The following ALK variants were observed in gnomAD, a reference collection of about 807,000 sequenced individuals.
The protein encoded by ALK is ALK receptor tyrosine kinase.
In ALK, 74 loss-of-function variants were observed where a neutral mutation model predicts 163.1. The ratio of observed to expected loss-of-function variants is 0.45; its 90% CI spans 0.38 to 0.55. The LOEUF (loss-of-function observed/expected upper bound fraction) is 0.55, where lower values mean the gene tolerates loss of function less well. Ranked by LOEUF, ALK falls within the 20% of genes least tolerant of loss-of-function variation. The probability of loss-of-function intolerance (pLI) is 0.00; values close to 1 mark genes in which losing one functional copy is unlikely to be tolerated. For missense variants in ALK, 2,063 were observed against 2,105.3 expected (o/e 0.98, Z 0.39); for synonymous variants, 960 against 843.2 (o/e 1.14, Z -2.40).
At chr2:29,851,179 T>C (rs1035375509) in intron 1 of ALK, among the ~76,000 whole-genome samples, 5 of 152,210 alleles carry the variant, frequency 3.3e-5, no homozygotes, top group Non-Finnish European at 4.4e-5. Context: ...TGTAAGGAAA[T>C]GTTTTAAAAT....
chr2:29,895,676 G>A (rs759952549), intron 1 of ALK, among the ~76,000 whole-genome samples: 1 of 152,200 alleles, frequency 6.6e-6, no homozygotes, highest in African/African-American at 2.4e-5. Context: ...GTGCCTTTTA[G>A]TAGTCCTTCC....
At chr2:29,647,775 CTTTT>C (rs34620705) in intron 3 of ALK, among the ~76,000 whole-genome samples, 6 of 117,206 alleles carry the variant, frequency 5.1e-5, no homozygotes, top group Non-Finnish European at 8.3e-5. Context: ...ATGATTTTTT[CTTTT>C]TTTTTTTTTT....
chr2:29,551,956 A>G (rs954419348), intron 3 of ALK, among the ~76,000 whole-genome samples: 1 of 152,150 alleles, frequency 6.6e-6, no homozygotes, highest in Non-Finnish European at 1.5e-5. Context: ...TCACAACCCA[A>G]TTTTAGATAT....
chr2:29,758,552 C>A (rs1197500294), intron 1 of ALK, among the ~76,000 whole-genome samples: 1 of 152,112 alleles, frequency 6.6e-6, no homozygotes, highest in African/African-American at 2.4e-5. Context: ...GACCAAGTTC[C>A]CTTGGCCTAC....
intron 4 of ALK, among the ~76,000 whole-genome samples, chr2:29,466,260 G>A (rs1671210244): frequency 1.3e-5 from 2 of 151,968 alleles, no homozygotes; most frequent in African/African-American, 4.8e-5. Flanking sequence ...AATCTCCCAA[G>A]CCTCTGTGTT....
intron 11 of ALK, among the ~76,000 whole-genome samples, chr2:29,253,813 C>T (rs1432710907): frequency 1.3e-5 from 2 of 151,334 alleles, no homozygotes; most frequent in Non-Finnish European, 2.9e-5. Context: ...GTTAATTCAA[C>T]CCTGAAAATG....
intron 3 of ALK, among the ~76,000 whole-genome samples, chr2:29,633,005 G>A (rs192788566): frequency 6.6e-6 from 1 of 152,240 alleles, no homozygotes; most frequent in East Asian, 1.9e-4. Context: ...GATTTGGGTG[G>A]GGACACAGGA....
chr2:29,831,029 AG>A, intron 1 of ALK, among the ~76,000 whole-genome samples: 6 of 21,128 alleles, frequency 2.8e-4, no homozygotes, highest in African/African-American at 5.4e-4. Flanking sequence ...AGGAAGGGGA[AG>A]GAGGAGGAGG....
intron 4 of ALK, among the ~76,000 whole-genome samples, chr2:29,433,638 T>C (rs1415911846): frequency 6.6e-6 from 1 of 152,146 alleles, no homozygotes; most frequent in Non-Finnish European, 1.5e-5. Flanking sequence ...CATGAAAATA[T>C]GTAACAGGTA....
intron 5 of ALK, among the ~76,000 whole-genome samples, chr2:29,340,866 A>C (rs531825649): frequency 6.6e-6 from 1 of 152,282 alleles, no homozygotes; most frequent in African/African-American, 2.4e-5. Context: ...AATCCAAATC[A>C]CAGATACATC....
chr2:29,475,540 G>A (rs1043627966), intron 4 of ALK, among the ~76,000 whole-genome samples: 5 of 152,164 alleles, frequency 3.3e-5, no homozygotes, highest in Non-Finnish European at 5.9e-5. Flanking sequence ...CCCGCCGGAC[G>A]AGGCTGCATC....
chr2:29,262,127 G>A (rs575693410), intron 11 of ALK, among the ~76,000 whole-genome samples: 2 of 152,170 alleles, frequency 1.3e-5, no homozygotes, highest in African/African-American at 2.4e-5. Flanking sequence ...GATAGGGAAG[G>A]GAGAAGAACT....
Position 29,320,778 on chromosome 2 carries a change from T to G in ALK, c.1519A>C (p.Lys507Gln). ...TGGTGGTCCTGGAACCGGGCATCCT[T>G]TAGGGTCCTGACCTGCCATTGAGGA... ...HTPQWQVRTL[K>Q]DARFQDHQDH... The change falls in exon 7 of 29, where the codon AAG becomes CAG. Residue 507 changes from lysine (K) to glutamine (Q), a missense_variant. By Grantham distance (53) the Lys-to-Gln change is moderately conservative (BLOSUM62 1). Transcript: ENST00000389048. 2 of 1,614,014 alleles carry G rather than the reference T, an allele frequency of 1.2e-6. No individual in the cohort carries two copies. Among genetic ancestry groups the G allele is most frequent in the Non-Finnish European group, 1.7e-6 (2 of 1,179,992 alleles).
chr2:29,232,316 A>G lies in ALK; in HGVS notation c.2620T>C (p.Ser874Pro). Residue 874 changes from serine (S) to proline (P), a missense_variant, in exon 15 of 29, where the codon TCC becomes CCC. Physicochemically the swap from Ser to Pro is moderately conservative, Grantham distance 74. Around this residue, in one of 5 missense-constraint regions of ALK, gnomAD observed 575 missense variants for 626.6 expected, o/e 0.92. Transcript: ENST00000389048. ...TGCAGCGCTTTACCTGCGGCTCCGG[A>G]ATTGCCGTTTAGCCCTAGAACCGAG... ...NSSVLGLNGN[S>P]GAAGGGGGWN... The G allele has an allele frequency of 6.2e-7, 1 of 1,614,204 alleles. No individual in the cohort carries two copies. The highest frequency in any genetic ancestry group is 8.5e-7 in the Non-Finnish European group (1 of 1,180,032).
chr2:29,863,458 G>T (rs937660791), intron 1 of ALK, among the ~76,000 whole-genome samples: 9 of 152,110 alleles, frequency 5.9e-5, no homozygotes, highest in African/African-American at 2.2e-4. Context: ...ATGAGCAAAT[G>T]ACCTGAAAAG....
intron 6 of ALK, among the ~76,000 whole-genome samples, chr2:29,322,756 C>T (rs1478846062): frequency 2.6e-5 from 4 of 152,224 alleles, no homozygotes; most frequent in Admixed American, 6.5e-5. Context: ...ATCACTTGAA[C>T]CCAGGAGGTG....
intron 2 of ALK, among the ~76,000 whole-genome samples, chr2:29,701,797 CTCCAT>C (rs1247129665): frequency 2.6e-5 from 4 of 152,136 alleles, no homozygotes; most frequent in Admixed American, 1.3e-4. Flanking sequence ...GGATTCTTAT[CTCCAT>C]TCAACAGATG....
chr2:29,387,099 G>A (rs1032954380), intron 4 of ALK, among the ~76,000 whole-genome samples: 6 of 152,138 alleles, frequency 3.9e-5, no homozygotes, highest in South Asian at 2.1e-4. Flanking sequence ...TATCACTGGT[G>A]CTTCCATCAA....
intron 2 of ALK, among the ~76,000 whole-genome samples, chr2:29,712,975 C>T (rs137988017): frequency 1.3e-4 from 20 of 152,168 alleles, no homozygotes; most frequent in East Asian, 3.9e-4. Context: ...CTTAAAATAA[C>T]GGAAATTTAT....
Sources: gnomAD v4.1 joint callset for allele counts (sites outside exome capture counted in the v4.1 genomes callset) on GRCh38, gnomAD v4.1.1 for gene constraint, gnomAD v4.1.1 regional missense constraint, MANE v1.5 for transcripts, NCBI Gene and HGNC (gene_info 2026-07-23, HGNC 2026-07-21) for gene names.